The following ENOX1 variants were observed in gnomAD, a reference collection of about 807,000 sequenced individuals.
The protein encoded by ENOX1 is ecto-NOX disulfide-thiol exchanger 1, also known as candidate growth-related and time keeping constitutive hydroquinone (NADH) oxidase.
A neutral mutation model predicts 82.5 loss-of-function variants in ENOX1; 42 were observed. The observed-to-expected ratio is 0.51, with a 90% CI of 0.40 to 0.66. ENOX1 has a LOEUF of 0.66. Ranked by LOEUF, ENOX1 falls within the 30% of genes least tolerant of loss-of-function variation. ENOX1 has a pLI of 0.00. For synonymous variants in ENOX1, 271 were observed against 282.2 expected (o/e 0.96, Z 0.40); for missense variants, 608 against 811.6 (o/e 0.75, Z 3.05).
At chr13:43,756,466 G>GGGTGA in intron 1 of ENOX1, among the ~76,000 whole-genome samples, 1 of 139,584 alleles carries the variant, frequency 7.2e-6, no homozygotes, top group South Asian at 2.6e-4. Flanking sequence ...GGGTGAGGAG[G>GGGTGA]GGAGGGGAGG....
At chr13:43,340,561 C>T (rs1301612474) in intron 9 of ENOX1, among the ~76,000 whole-genome samples, 1 of 152,182 alleles carries the variant, frequency 6.6e-6, no homozygotes, top group African/African-American at 2.4e-5. Flanking sequence ...GATACTACAA[C>T]GTAAATTTCT....
intron 5 of ENOX1, among the ~76,000 whole-genome samples, chr13:43,408,833 G>A (rs1782647803): frequency 1.3e-5 from 2 of 151,992 alleles, no homozygotes; most frequent in Admixed American, 6.6e-5. Context: ...GTCACTGGGG[G>A]CATGGAAAAT....
chr13:43,213,538 CT>C lies in ENOX1; in HGVS notation c.*451del, dbSNP rs2041290346. 2 of 97,872 alleles carry C rather than the reference CT, an allele frequency of 2.0e-5. No homozygotes were observed. Among genetic ancestry groups the C allele is most frequent in the African/African-American group, 7.4e-5 (2 of 27,190 alleles). 6.1% of individuals were successfully genotyped at this position (97,872 alleles called of 1,614,324 possible). The stretch of plus-strand genomic sequence containing the variant: ...TTTTCTTTTTTCTTTTTTTCTTTTT[CT>C]TTTTCTTTTTTTTTTTTTTTTTTTT... On this transcript the variant is annotated 3_prime_UTR_variant, in exon 17 of 17. Coordinates refer to ENST00000690772, the MANE Select transcript of ENOX1 (RefSeq NM_001347969.2).
intron 12 of ENOX1, among the ~76,000 whole-genome samples, chr13:43,285,057 T>C (rs964767276): frequency 6.6e-6 from 1 of 152,172 alleles, no homozygotes; most frequent in Non-Finnish European, 1.5e-5. Context: ...CACTGATCAA[T>C]TGAGTGAGAT....
chr13:43,408,828 T>C (rs2053949866), intron 5 of ENOX1, among the ~76,000 whole-genome samples: 1 of 152,066 alleles, frequency 6.6e-6, no homozygotes, highest in Non-Finnish European at 1.5e-5. Flanking sequence ...ATTAAGTCAC[T>C]GGGGGCATGG....
intron 1 of ENOX1, among the ~76,000 whole-genome samples, chr13:43,685,947 T>C (rs1217499922): frequency 6.6e-6 from 1 of 151,534 alleles, no homozygotes; most frequent in African/African-American, 2.4e-5. Flanking sequence ...TCTCTTAATA[T>C]ATGTGAAGTC....
intron 12 of ENOX1, among the ~76,000 whole-genome samples, chr13:43,281,154 C>T (rs2045357429): frequency 6.6e-6 from 1 of 152,138 alleles, no homozygotes; most frequent in Non-Finnish European, 1.5e-5. Flanking sequence ...TCTGAACTAT[C>T]TCAGATTTGC....
At chr13:43,491,092 C>T (rs560942006) in intron 2 of ENOX1, among the ~76,000 whole-genome samples, 14 of 152,232 alleles carry the variant, frequency 9.2e-5, no homozygotes, top group African/African-American at 2.9e-4. Flanking sequence ...CTGCTTCTGG[C>T]GCATCCTCAA....
At chr13:43,734,641 T>C (rs1175182052) in intron 1 of ENOX1, among the ~76,000 whole-genome samples, 1 of 152,212 alleles carries the variant, frequency 6.6e-6, no homozygotes, top group Non-Finnish European at 1.5e-5. Context: ...AAAAACTTCA[T>C]GCTTCAACAT....
chr13:43,505,698 G>A (rs552912482), intron 2 of ENOX1, among the ~76,000 whole-genome samples: 1 of 152,158 alleles, frequency 6.6e-6, no homozygotes, highest in East Asian at 1.9e-4. Context: ...CCATTCTGTA[G>A]GTTGCCTGTT....
At chr13:43,785,954 G>A (rs903817328) in intron 1 of ENOX1, among the ~76,000 whole-genome samples, 6 of 152,078 alleles carry the variant, frequency 3.9e-5, no homozygotes, top group Admixed American at 2.0e-4. Context: ...CGGCCGAGGC[G>A]CGGGCTCTGC....
chr13:43,616,178 C>CTATATAGATATCTATATAGATATA (rs1566642064), intron 2 of ENOX1, among the ~76,000 whole-genome samples: 1 of 6,574 alleles, frequency 1.5e-4, no homozygotes, highest in Admixed American at 2.7e-3. Flanking sequence ...ATCTATCTAT[C>CTATATAGATATCTATATAGATATA]TATCTATCTA....
chr13:43,648,241 C>G (rs921219454), intron 2 of ENOX1, among the ~76,000 whole-genome samples: 1 of 152,200 alleles, frequency 6.6e-6, no homozygotes, highest in Non-Finnish European at 1.5e-5. Context: ...TGTATTTACT[C>G]ACCAATTCAT....
intron 12 of ENOX1, among the ~76,000 whole-genome samples, chr13:43,274,949 T>G (rs1372700265): frequency 1.3e-5 from 2 of 152,208 alleles, no homozygotes; most frequent in Non-Finnish European, 2.9e-5. Flanking sequence ...TGAGGTCACA[T>G]TTCCATTTTT....
chr13:43,667,731 T>C (rs2085057052), intron 1 of ENOX1, among the ~76,000 whole-genome samples, 187 bp from the exon 2 acceptor site: 1 of 152,180 alleles, frequency 6.6e-6, no homozygotes, highest in South Asian at 2.1e-4. Flanking sequence ...GCTAACTTGG[T>C]AACAATCAAT....
intron 12 of ENOX1, among the ~76,000 whole-genome samples, chr13:43,279,318 C>A (rs552338853): frequency 7.2e-5 from 11 of 152,298 alleles, no homozygotes; most frequent in African/African-American, 2.4e-4. Context: ...CAAAGGCTAG[C>A]GTGATTAGCT....
At chr13:43,250,755 C>A (rs1422877613) in intron 14 of ENOX1, among the ~76,000 whole-genome samples, 2 of 152,078 alleles carry the variant, frequency 1.3e-5, no homozygotes, top group African/African-American at 4.8e-5. Context: ...GTGGTTCCTG[C>A]TATCAAAGAA....
At chr13:43,536,161 G>A (rs2078451500) in intron 2 of ENOX1, among the ~76,000 whole-genome samples, 1 of 152,138 alleles carries the variant, frequency 6.6e-6, no homozygotes, top group African/African-American at 2.4e-5. Context: ...TAAAAACACT[G>A]TGGAAAAATG....
At chr13:43,593,460 C>A (rs1026029111) in intron 2 of ENOX1, among the ~76,000 whole-genome samples, 1 of 133,284 alleles carries the variant, frequency 7.5e-6, no homozygotes, top group Non-Finnish European at 1.6e-5. Flanking sequence ...CTGTCTGCAG[C>A]GAAACCCTTA....
Sources: allele counts gnomAD v4.1 joint callset (sites outside exome capture counted in the v4.1 genomes callset), GRCh38; gene constraint gnomAD v4.1.1; transcripts MANE v1.5; gene names NCBI Gene and HGNC (gene_info 2026-07-23, HGNC 2026-07-21).